SFXN1: variants seen among roughly 807,000 people sequenced by gnomAD.
The protein encoded by SFXN1 is sideroflexin-1.
In SFXN1, 32 loss-of-function variants were observed where a neutral mutation model predicts 39.5. The ratio of observed to expected loss-of-function variants is 0.81; its 90% CI spans 0.61 to 1.09. The LOEUF is 1.09. SFXN1 is among the 50% of genes least tolerant of loss of function. SFXN1 has a pLI of 0.00. For synonymous variants in SFXN1, 136 were observed against 146.5 expected (o/e 0.93, Z 0.52); for missense variants, 402 against 407.1 (o/e 0.99, Z 0.11).
intron 7 of SFXN1, among the ~76,000 whole-genome samples, chr5:175,514,397 C>T (rs947388342): frequency 6.6e-6 from 1 of 152,138 alleles, no homozygotes; most frequent in East Asian, 1.9e-4. Flanking sequence ...AATCTCTAGT[C>T]CACCCTAAGG....
rs185744126 is a variant in SFXN1 at position 175,501,356 on chromosome 5, C to T, written c.165-7676C>T. Among the ~76,000 whole-genome samples, 12 of 152,250 alleles carry T rather than the reference C, an allele frequency of 7.9e-5. No individual in the cohort carries two copies. The East Asian group carries it at 1.5e-3, about 20-fold the overall frequency. On this transcript the variant is annotated intron_variant, in intron 2 of 10. Coordinates refer to ENST00000321442, the MANE Select transcript of SFXN1 (RefSeq NM_022754.7). ...GTGCTGGGATTACAAGTGGGAGCCA[C>T]CGCGCCCGGCAGTATGGGCAAACAT...
chr5:175,524,121 AAAAAATATATATATATATATATATATAT>A (rs1307618053), intron 10 of SFXN1: 661 of 35,340 alleles, frequency 0.019, 31 homozygotes, highest in African/African-American at 0.099. Flanking sequence ...AAAAAAAAAA[AAAAAATATATATATATATATATATATAT>A]ATATATATAT....
In SFXN1 at chr5:175,529,480, C is replaced by CGAAT. The variant is rs1561683180; in HGVS notation, c.*2746_*2747insGAAT. ...GTTGATCACAGTTTATAAGAAAGAA[C>CGAAT]AAATCAAGATTGGCAATCCTTGCCG... On this transcript the variant is annotated 3_prime_UTR_variant, in exon 11 of 11. Coordinates refer to ENST00000321442, the MANE Select transcript of SFXN1 (RefSeq NM_022754.7). The CGAAT allele has an allele frequency of 3.2e-5, 4 of 124,684 alleles. No homozygotes were observed. Among genetic ancestry groups the CGAAT allele is most frequent in the African/African-American group, 1.9e-4 (4 of 20,934 alleles). The allele number at this position is 124,684 out of a possible 1,614,324, so 7.7% of individuals were successfully genotyped here.
chr5:175,501,259 A>G (rs977725701), intron 2 of SFXN1, among the ~76,000 whole-genome samples: 1 of 151,894 alleles, frequency 6.6e-6, no homozygotes, highest in Non-Finnish European at 1.5e-5. Context: ...TAATAGAGAC[A>G]GGGTTTCACT....
chr5:175,510,445 G>A (rs1055906290), intron 4 of SFXN1: 3 of 466,810 alleles, frequency 6.4e-6, no homozygotes, highest in Non-Finnish European at 7.8e-6. Flanking sequence ...TCGTGCCTTT[G>A]GAGGTACTGG....
At chr5:175,512,382 T>C (rs987625536) in intron 6 of SFXN1, among the ~76,000 whole-genome samples, 186 bp downstream of exon 6, 1 of 152,178 alleles carries the variant, frequency 6.6e-6, no homozygotes, top group Non-Finnish European at 1.5e-5. Context: ...GAAAACAAGC[T>C]TAGCGATGAG....
chr5:175,502,864 T>A (rs1760136487), intron 2 of SFXN1, among the ~76,000 whole-genome samples: 2 of 151,302 alleles, frequency 1.3e-5, no homozygotes, highest in South Asian at 2.1e-4. Context: ...ATAATAATAA[T>A]AAATAAATAA....
intron 8 of SFXN1, among the ~76,000 whole-genome samples, chr5:175,520,340 A>G (rs1760842095): frequency 6.6e-6 from 1 of 152,112 alleles, no homozygotes; most frequent in Non-Finnish European, 1.5e-5. Context: ...ATATGTTCCT[A>G]CCTTGAGAAA....
At chr5:175,522,590 CT>C in intron 10 of SFXN1, 168 bp downstream of exon 10, 2 of 558,658 alleles carry the variant, frequency 3.6e-6, no homozygotes, top group Non-Finnish European at 6.2e-6. Context: ...AAACCCACAT[CT>C]GTCTAATTTC....
intron 2 of SFXN1, among the ~76,000 whole-genome samples, chr5:175,495,332 C>A (rs1424042147): frequency 6.6e-6 from 1 of 152,048 alleles, no homozygotes. Context: ...TTAATGGGGA[C>A]AAAGTTTTAG....
intron 1 of SFXN1, among the ~76,000 whole-genome samples, chr5:175,486,553 G>C (rs1023872459): frequency 6.6e-6 from 1 of 152,140 alleles, no homozygotes; most frequent in African/African-American, 2.4e-5. Context: ...CTTGAGCCCG[G>C]GAGTTCGAGA....
chr5:175,502,083 C>T (rs1760105129), intron 2 of SFXN1, among the ~76,000 whole-genome samples: 1 of 152,118 alleles, frequency 6.6e-6, no homozygotes, highest in African/African-American at 2.4e-5. Flanking sequence ...AATGTCTTCT[C>T]TTCCTGGGTG....
intron 4 of SFXN1, among the ~76,000 whole-genome samples, chr5:175,510,916 C>A (rs1179726713): frequency 6.6e-6 from 1 of 152,084 alleles, no homozygotes; most frequent in Admixed American, 6.5e-5. Context: ...GTGTTTATTG[C>A]AATTAAAATT....
Position 175,510,150 on chromosome 5 carries a change from C to A in SFXN1, c.377C>A (p.Ser126Tyr). The change falls in exon 4 of 11, where the codon TCC becomes TAC. Residue 126 changes from serine (S) to tyrosine (Y), a missense_variant. Ser to Tyr is a moderately radical substitution (Grantham distance 144, BLOSUM62 -2). Transcript: ENST00000321442. ...AVLFWQWINQ[S>Y]FNAVVNYTNR... ...CTGTTCTGGCAGTGGATTAACCAGT[C>A]CTTCAATGCCGTCGTCAATTACACC... is the stretch of plus-strand genomic sequence containing the variant. 1 of 1,613,428 alleles carries A rather than the reference C, an allele frequency of 6.2e-7. No homozygotes were observed. Among genetic ancestry groups the A allele is most frequent in the East Asian group, 2.2e-5 (1 of 44,872 alleles).
intron 6 of SFXN1, 89 bp from the exon 7 acceptor site, chr5:175,513,374 T>C: frequency 7.2e-7 from 1 of 1,393,072 alleles, no homozygotes; most frequent in Non-Finnish European, 9.7e-7. Context: ...TTGAATTAAG[T>C]AGAGGGTTGA....
chr5:175,497,550 A>T (rs376697220), intron 2 of SFXN1, among the ~76,000 whole-genome samples: 5 of 152,252 alleles, frequency 3.3e-5, no homozygotes, highest in South Asian at 2.1e-4. Context: ...GTGAATGCCG[A>T]ACAGACAGTA....
chr5:175,489,641 G>A (rs1407314878), intron 1 of SFXN1, among the ~76,000 whole-genome samples: 1 of 152,218 alleles, frequency 6.6e-6, no homozygotes, highest in Non-Finnish European at 1.5e-5. Context: ...TTGGGGAACT[G>A]TTTATTCCTG....
At chr5:175,503,857 A>G (rs922917319) in intron 2 of SFXN1, among the ~76,000 whole-genome samples, 8 of 152,100 alleles carry the variant, frequency 5.3e-5, no homozygotes, top group Non-Finnish European at 1.0e-4. Context: ...ACAAAAAATT[A>G]TCCAGGCATG....
chr5:175,524,117 AAAAAAAAAATATATATATATAT>A (rs1760967735), intron 10 of SFXN1: 6 of 53,452 alleles, frequency 1.1e-4, no homozygotes, highest in African/African-American at 4.8e-4. Context: ...AAAAAAAAAA[AAAAAAAAAATATATATATATAT>A]ATATATATAT....
Sources: allele counts gnomAD v4.1 joint callset (sites outside exome capture counted in the v4.1 genomes callset), GRCh38; gene constraint gnomAD v4.1.1; transcripts MANE v1.5; gene names NCBI Gene and HGNC (gene_info 2026-07-23, HGNC 2026-07-21).